MBTPS1: variants seen among roughly 807,000 people sequenced by gnomAD.
The protein encoded by MBTPS1 is membrane-bound transcription factor site-1 protease.
Under a neutral mutation model 127.8 loss-of-function variants are expected in MBTPS1, and 94 were observed. The ratio of observed to expected loss-of-function variants is 0.74; its 90% CI spans 0.62 to 0.87. MBTPS1 has a LOEUF of 0.87. Ranked by LOEUF, MBTPS1 falls within the 40% of genes least tolerant of loss-of-function variation. The pLI is 0.00. For synonymous variants in MBTPS1, 632 were observed against 509.4 expected, an observed-to-expected ratio of 1.24 and a Z score of -3.24; for missense variants, 1,636 against 1,353.2, an observed-to-expected ratio of 1.21 and a Z score of -3.28.
chr16:84,091,597 G>A lies in MBTPS1; in HGVS notation c.963+135C>T, dbSNP rs188065662. 73 of 645,290 alleles carry A rather than the reference G, an allele frequency of 1.1e-4. 1 individual carries two copies. The East Asian group carries it at 1.4e-3, about 13-fold the overall frequency. 40.0% of individuals were successfully genotyped at this position (645,290 alleles called of 1,614,324 possible). ...TGACATGCAAATCACTGAAGCTCACGTCATTAGCCATCTGTTCTCACAAAG... is the reference window on the plus strand; with the variant it reads ...TGACATGCAAATCACTGAAGCTCACATCATTAGCCATCTGTTCTCACAAAG... On this transcript the variant is annotated intron_variant, in intron 7 of 22. Transcript: ENST00000343411.
At chr16:84,062,681 C>G (rs1206646852) in intron 19 of MBTPS1, among the ~76,000 whole-genome samples, 1 of 152,176 alleles carries the variant, frequency 6.6e-6, no homozygotes, top group East Asian at 1.9e-4. Flanking sequence ...TCTTTCTCCC[C>G]TTTACAAAAT....
chr16:84,060,871 G>C, intron 19 of MBTPS1, 58 bp from the exon 20 acceptor site: 1 of 1,505,534 alleles, frequency 6.6e-7, no homozygotes, highest in South Asian at 1.2e-5. Context: ...ACAGAGTCAC[G>C]CTCTTGTCAC....
At chr16:84,091,074 G>T in intron 7 of MBTPS1, 132 bp from the exon 8 acceptor site, 1 of 720,652 alleles carries the variant, frequency 1.4e-6, no homozygotes, top group Admixed American at 2.5e-5. Context: ...TATAAAGGCG[G>T]ATGTGCTGGC....
intron 11 of MBTPS1, among the ~76,000 whole-genome samples, chr16:84,079,159 G>A (rs2085902085): frequency 6.6e-6 from 1 of 152,184 alleles, no homozygotes; most frequent in African/African-American, 2.4e-5. Context: ...GTGATGTGCT[G>A]GCTCCCCTTC....
At chr16:84,115,045 C>T (rs1009994841) in intron 1 of MBTPS1, among the ~76,000 whole-genome samples, 4 of 152,034 alleles carry the variant, frequency 2.6e-5, no homozygotes, top group African/African-American at 9.6e-5. Flanking sequence ...TCTCCTGCCT[C>T]AGCCTCCCGA....
chr16:84,074,780 G>C (rs374012689), intron 11 of MBTPS1, 39 bp from the exon 12 acceptor site: 7 of 1,573,112 alleles, frequency 4.4e-6, no homozygotes, highest in South Asian at 3.4e-5. Flanking sequence ...GATCATATGA[G>C]AAAACTACAA....
rs752293026 is a variant in MBTPS1 at position 84,101,774 on chromosome 16, C to T, written c.10G>A (p.Val4Ile). 1.1e-5 allele frequency: 18 copies of T among 1,612,738 alleles called. No individual in the cohort carries two copies. The African/African-American group carries it at 1.7e-4, about 16-fold the overall frequency. The change falls in exon 2 of 23, where the codon GTC becomes ATC. Residue 4 changes from valine (V) to isoleucine (I), a missense_variant. Physicochemically the swap from Val to Ile is conservative, Grantham distance 29. Coordinates refer to ENST00000343411, the MANE Select transcript of MBTPS1 (RefSeq NM_003791.4). The part of the protein sequence containing the change: MKL[V>I]NIWLLLLVVL... Reference sequence around the variant, plus strand: ...ACGAGCAGAAGCAGCCAGATGTTGACAAGCTTCATGGTCACAAGCGAATAT... The same window carrying T: ...ACGAGCAGAAGCAGCCAGATGTTGATAAGCTTCATGGTCACAAGCGAATAT...
chr16:84,063,364 C>T lies in MBTPS1; in HGVS notation c.2513G>A (p.Gly838Glu), dbSNP rs1475304119. The change falls in exon 19 of 23, where the codon GGA becomes GAA. Residue 838 changes from glycine to glutamate, a missense_variant. Coordinates refer to ENST00000343411, the MANE Select transcript of MBTPS1 (RefSeq NM_003791.4). ...LGLYQIPAEG[G>E]GRIVLYGDSN... ...GTCCCCATACAGTACAATCCGGCCT[C>T]CACCCTCAGCTGGAATCTGATAAAG... 6.2e-7 allele frequency: 1 copy of T among 1,614,044 alleles called. No homozygotes were observed. The highest frequency in any genetic ancestry group is 8.5e-7 in the Non-Finnish European group (1 of 1,180,012).
At chr16:84,092,299 T>C (rs990072673) in intron 6 of MBTPS1, among the ~76,000 whole-genome samples, 2 of 152,220 alleles carry the variant, frequency 1.3e-5, no homozygotes, top group Non-Finnish European at 2.9e-5. Flanking sequence ...TATTTCACAG[T>C]ATTAGTCTTC....
chr16:84,086,884 T>C (rs1025852819), intron 9 of MBTPS1, among the ~76,000 whole-genome samples: 2 of 152,216 alleles, frequency 1.3e-5, no homozygotes, highest in Non-Finnish European at 2.9e-5. Flanking sequence ...GCAGTTATTT[T>C]GAATTTGTCC....
chr16:84,081,791 C>A lies in MBTPS1; in HGVS notation c.1404G>T (p.Leu468=). The A allele has an allele frequency of 6.6e-7, 1 of 1,515,804 alleles. No homozygotes were observed. Among genetic ancestry groups the A allele is most frequent in the Non-Finnish European group, 8.8e-7 (1 of 1,130,226 alleles). 93.9% of individuals were successfully genotyped at this position (1,515,804 alleles called of 1,614,324 possible). Reference sequence around the variant, plus strand: ...TGTTGAGGATCTGATAGGCTCTGAGCAGATCGAGCTTGCCGTGGCCTTGCT... The same window carrying A: ...TGTTGAGGATCTGATAGGCTCTGAGAAGATCGAGCTTGCCGTGGCCTTGCT... ...MFEQGHGKLD[L]LRAYQILNSY... is the part of the protein sequence containing the mutation. The change falls in exon 11 of 23, where the codon CTG becomes CTT. Residue 468 remains leucine, a synonymous_variant. Coordinates refer to ENST00000343411, the MANE Select transcript of MBTPS1 (RefSeq NM_003791.4).
chr16:84,055,488 T>C (rs2085509207), intron 22 of MBTPS1, among the ~76,000 whole-genome samples: 1 of 152,168 alleles, frequency 6.6e-6, no homozygotes, highest in African/African-American at 2.4e-5. Context: ...GCAGTCTATG[T>C]AGCCAGTCAG....
intron 1 of MBTPS1, among the ~76,000 whole-genome samples, chr16:84,110,529 A>G (rs1041324433): frequency 3.3e-5 from 5 of 152,264 alleles, no homozygotes; most frequent in African/African-American, 1.2e-4. Context: ...ACGCTTAAAA[A>G]TGAACATTAA....
chr16:84,093,292 C>T lies in MBTPS1; in HGVS notation c.742G>A (p.Gly248Ser). 1 of 1,606,944 alleles carries T rather than the reference C, an allele frequency of 6.2e-7. No homozygotes were observed. Among genetic ancestry groups the T allele is most frequent in the Non-Finnish European group, 8.5e-7 (1 of 1,173,440 alleles). The change falls in exon 6 of 23, where the codon GGC (glycine) becomes AGC (serine). Residue 248 changes from glycine to serine, a missense_variant. By Grantham distance (56) the Gly-to-Ser change is moderately conservative. Coordinates refer to ENST00000343411, the MANE Select transcript of MBTPS1 (RefSeq NM_003791.4). ...TNERTLDDGL[G>S]HGTFVAGVIA... ...ACACCTGCCACGAATGTGCCATGGC[C>T]CAACCCTGCAGTCCATAAAGAAAAC...
chr16:84,091,238 C>G (rs986703085), intron 7 of MBTPS1, among the ~76,000 whole-genome samples: 6 of 152,104 alleles, frequency 3.9e-5, no homozygotes, highest in African/African-American at 9.7e-5. Flanking sequence ...GTAATCCCAG[C>G]ACTTTGAAAG....
At chr16:84,102,977 G>A (rs2086277905) in intron 1 of MBTPS1, among the ~76,000 whole-genome samples, 1 of 152,178 alleles carries the variant, frequency 6.6e-6, no homozygotes, top group Non-Finnish European at 1.5e-5. Context: ...GACATGAGAA[G>A]ACAGTTTGTG....
rs569046853 is a variant in MBTPS1 at position 84,099,190 on chromosome 16, C to T, written c.284G>A (p.Ser95Asn). 6.2e-6 allele frequency: 10 copies of T among 1,614,200 alleles called. No homozygotes were observed. In the East Asian group the frequency reaches 6.7e-5, roughly 11 times the overall value. The change falls in exon 3 of 23, where the codon AGT becomes AAT. Residue 95 changes from serine to asparagine, a missense_variant. Ser to Asn is a conservative substitution (Grantham distance 46). Coordinates refer to ENST00000343411, the MANE Select transcript of MBTPS1 (RefSeq NM_003791.4). ...CACCTCAAAATCACTAGGGTAGTCACTGGATGGATTGTTTCGAGGTATAAT... is the reference window on the plus strand; with the variant it reads ...CACCTCAAAATCACTAGGGTAGTCATTGGATGGATTGTTTCGAGGTATAAT... The part of the protein sequence containing the change: ...WRIIPRNNPS[S>N]DYPSDFEVIQ...
Position 84,081,823 on chromosome 16 carries a change from T to C in MBTPS1, c.1372A>G (p.Met458Val), listed in dbSNP as rs1185692325. 6 of 1,532,490 alleles carry C rather than the reference T, an allele frequency of 3.9e-6. No homozygotes were observed. Among genetic ancestry groups the C allele is most frequent in the South Asian group, 1.3e-5 (1 of 79,692 alleles). The allele number at this position is 1,532,490 out of a possible 1,614,324, so 94.9% of individuals were successfully genotyped here. Residue 458 changes from methionine (M) to valine (V), a missense_variant, in exon 11 of 23, where the codon ATG becomes GTG. Met to Val is a conservative substitution (Grantham distance 21, BLOSUM62 1). Transcript: ENST00000343411. ...AGCTTGCCGTGGCCTTGCTCAAACATGTTGACCCCGGGGAGCCTCCGGGCT... is the reference window on the plus strand; with the variant it reads ...AGCTTGCCGTGGCCTTGCTCAAACACGTTGACCCCGGGGAGCCTCCGGGCT... ...ASARRLPGVN[M>V]FEQGHGKLDL...
chr16:84,105,055 T>C (rs931569789), intron 1 of MBTPS1, among the ~76,000 whole-genome samples: 1 of 151,900 alleles, frequency 6.6e-6, no homozygotes, highest in African/African-American at 2.4e-5. Flanking sequence ...TGAGCTGAGA[T>C]TGGGACACTG....
Sources: gnomAD v4.1 joint callset for allele counts (sites outside exome capture counted in the v4.1 genomes callset) on GRCh38, gnomAD v4.1.1 for gene constraint, MANE v1.5 for transcripts, NCBI Gene and HGNC (gene_info 2026-07-23, HGNC 2026-07-21) for gene names.